Variants in CAPN14 observed in about 807,000 individuals in gnomAD.
The protein encoded by CAPN14 is calpain 14.
A neutral mutation model predicts 101.3 loss-of-function variants in CAPN14; 94 were observed. The observed-to-expected ratio is 0.93, with a 90% CI of 0.79 to 1.10. CAPN14 has a LOEUF of 1.10. Ranked by LOEUF, CAPN14 falls within the 50% of genes least tolerant of loss-of-function variation. The probability of loss-of-function intolerance (pLI) is 0.00; values close to 1 mark genes in which losing one functional copy is unlikely to be tolerated. For missense variants in CAPN14, 837 were observed against 828.4 expected, an observed-to-expected ratio of 1.01 and a Z score of -0.13; for synonymous variants, 338 against 317.9, an observed-to-expected ratio of 1.06 and a Z score of -0.67.
rs369108137 is a variant in CAPN14 at position 31,230,640 on chromosome 2, A to G, written c.-177+3151T>C. On this transcript the variant is annotated intron_variant and NMD_transcript_variant, in intron 1 of 21. Transcript: ENST00000398824. The surrounding 1 kb of genome is among the most constrained non-coding windows in gnomAD (Gnocchi z 4.3). ...TCTTGCGTTTATAGGGCATTCATGTAGCCTCTTGTAAAAGACATTTTTGTA... is the reference window on the plus strand; with the variant it reads ...TCTTGCGTTTATAGGGCATTCATGTGGCCTCTTGTAAAAGACATTTTTGTA... Among the ~76,000 whole-genome samples the G allele has an allele frequency of 2.0e-4, 31 of 152,322 alleles. No individual in the cohort carries two copies. The East Asian group carries it at 5.4e-3, about 27-fold the overall frequency.
intron 18 of CAPN14, 22 bp downstream of exon 18, chr2:31,178,489 T>G (rs1366752083): frequency 1.3e-6 from 2 of 1,538,992 alleles, no homozygotes; most frequent in African/African-American, 1.4e-5. Flanking sequence ...TCCAAAGAGG[T>G]GTGGTTAAGA....
At chr2:31,187,304 C>G (rs946313171) in intron 15 of CAPN14, among the ~76,000 whole-genome samples, 1 of 152,114 alleles carries the variant, frequency 6.6e-6, no homozygotes, top group Non-Finnish European at 1.5e-5. Context: ...GTCCCAGGCC[C>G]TCCCCCTTCT....
intron 16 of CAPN14, among the ~76,000 whole-genome samples, chr2:31,184,368 G>T (rs1336381817): frequency 6.6e-6 from 1 of 152,148 alleles, no homozygotes; most frequent in African/African-American, 2.4e-5. Flanking sequence ...TTTGACTTTT[G>T]CTTTCCCTTC....
intron 17 of CAPN14, among the ~76,000 whole-genome samples, chr2:31,179,913 T>C (rs977967711): frequency 6.6e-6 from 1 of 152,234 alleles, no homozygotes; most frequent in Non-Finnish European, 1.5e-5. Flanking sequence ...ACATGGCCAA[T>C]TTGATGTGAT....
chr2:31,190,137 T>TTCTC (rs3031867), intron 12 of CAPN14, among the ~76,000 whole-genome samples: 1,977 of 142,738 alleles, frequency 0.014, 17 homozygotes, highest in Non-Finnish European at 0.017. Context: ...CTGATTCATA[T>TTCTC]TCTCTCTCTC....
At chr2:31,210,397 G>A (rs559974412) in intron 1 of CAPN14, among the ~76,000 whole-genome samples, 45 of 152,204 alleles carry the variant, frequency 3.0e-4, no homozygotes, top group African/African-American at 9.9e-4. Flanking sequence ...GCAGTGAGCC[G>A]AGATTGCGCC....
intron 1 of CAPN14, among the ~76,000 whole-genome samples, chr2:31,207,366 A>G (rs1558631027): frequency 6.6e-6 from 1 of 152,184 alleles, no homozygotes; most frequent in Non-Finnish European, 1.5e-5. Flanking sequence ...AATTATCACT[A>G]GTGAAGGGCC....
intron 16 of CAPN14, among the ~76,000 whole-genome samples, chr2:31,181,398 T>TTTCTTTCTTTCTTTC (rs1680595820): frequency 5.2e-5 from 7 of 134,980 alleles, no homozygotes; most frequent in African/African-American, 1.7e-4. Flanking sequence ...TTCTTTCTTT[T>TTTCTTTCTTTCTTTC]TTTCTTTCTT....
chr2:31,227,362 T>C (rs1311875483), intron 1 of CAPN14, among the ~76,000 whole-genome samples: 1 of 151,860 alleles, frequency 6.6e-6, no homozygotes, highest in Non-Finnish European at 1.5e-5. Context: ...TGGGGAGTGT[T>C]ATTCCTGGAC....
At position 31,174,027 on chromosome 2, in the gene CAPN14, C is replaced by G. The variant is rs1286133891; in HGVS notation, c.*654G>C. ...CTTTGAGAACTCAGGTGTTTTAAAT[C>G]TACTAGGTTGCCCCAGATCCAATCA... On this transcript the variant is annotated 3_prime_UTR_variant, in exon 22 of 22. Coordinates refer to ENST00000403897, the MANE Select transcript of CAPN14 (RefSeq NM_001145122.2). 1 of 152,458 alleles carries G rather than the reference C, an allele frequency of 6.6e-6. No individual in the cohort carries two copies. The highest frequency in any genetic ancestry group is 1.9e-4 in the East Asian group (1 of 5,182). 9.4% of individuals were successfully genotyped at this position (152,458 alleles called of 1,614,324 possible). A position where few individuals can be genotyped will look rare whatever the true frequency, so the allele number is the denominator to read the frequency against.
chr2:31,233,000 T>A (rs1215796990), intron 1 of CAPN14, among the ~76,000 whole-genome samples: 1 of 152,154 alleles, frequency 6.6e-6, no homozygotes, highest in East Asian at 1.9e-4. Flanking sequence ...GCAAGTTTAT[T>A]ATTGGGTTTA....
Position 31,200,633 on chromosome 2 carries a change from G to C in CAPN14, c.552-8C>G, listed in dbSNP as rs573755864. 1 of 1,534,974 alleles carries C rather than the reference G, an allele frequency of 6.5e-7. No homozygotes were observed. The highest frequency in any genetic ancestry group is 1.4e-5 in the African/African-American group (1 of 72,214). Reference sequence around the variant, plus strand: ...TCATAGGAACCAGAGAGCCTGGCCAGGGAAGAAATAAACATGAGAGGAAAA... The same window carrying C: ...TCATAGGAACCAGAGAGCCTGGCCACGGAAGAAATAAACATGAGAGGAAAA... On this transcript the variant is annotated splice_polypyrimidine_tract_variant and splice_region_variant and intron_variant, in intron 5 of 21. Coordinates refer to ENST00000403897, the MANE Select transcript of CAPN14 (RefSeq NM_001145122.2).
intron 21 of CAPN14, 40 bp downstream of exon 21, chr2:31,176,547 C>G (rs1409973731): frequency 2.0e-6 from 3 of 1,513,950 alleles, no homozygotes; most frequent in African/African-American, 2.8e-5. Context: ...GCCACCTCTA[C>G]GTAAGATGAC....
chr2:31,187,737 C>T (rs1225609193), intron 15 of CAPN14, 21 bp downstream of exon 15: 1 of 1,548,566 alleles, frequency 6.5e-7, no homozygotes, highest in African/African-American at 1.4e-5. Flanking sequence ...CCTCACCCCC[C>T]ACCACACCTG....
At chr2:31,183,030 C>T (rs1434982090) in intron 16 of CAPN14, among the ~76,000 whole-genome samples, 16 of 152,222 alleles carry the variant, frequency 1.1e-4, no homozygotes, top group East Asian at 3.9e-4. Flanking sequence ...GAAATAACGC[C>T]GCTTGTCTAT....
chr2:31,182,775 G>C (rs1338537368), intron 16 of CAPN14, among the ~76,000 whole-genome samples: 3 of 151,680 alleles, frequency 2.0e-5, no homozygotes, highest in African/African-American at 7.3e-5. Context: ...GCAATTTATA[G>C]ATTCAATGCC....
At chr2:31,203,519 T>C (rs1681905400) in intron 2 of CAPN14, among the ~76,000 whole-genome samples, 1 of 152,178 alleles carries the variant, frequency 6.6e-6, no homozygotes, top group Non-Finnish European at 1.5e-5. Flanking sequence ...TCCTGACCCC[T>C]AATATGATGT....
At chr2:31,226,273 T>A (rs1683018314) in intron 2 of CAPN14, among the ~76,000 whole-genome samples, 1 of 152,218 alleles carries the variant, frequency 6.6e-6, no homozygotes, top group African/African-American at 2.4e-5. Flanking sequence ...AGGTTCTGCC[T>A]TTATCAGGTT....
intron 1 of CAPN14, chr2:31,228,350 C>T (rs1683088580): frequency 6.6e-6 from 1 of 152,204 alleles, no homozygotes; most frequent in Non-Finnish European, 1.5e-5. Context: ...CCGATCTCAT[C>T]TGATCTTGGA....
Sources: gnomAD v4.1 joint callset for allele counts (sites outside exome capture counted in the v4.1 genomes callset) on GRCh38, gnomAD v4.1.1 for gene constraint, Gnocchi (gnomAD v3.1) non-coding constraint, MANE v1.5 for transcripts, NCBI Gene and HGNC (gene_info 2026-07-23, HGNC 2026-07-21) for gene names.